The following RPS6KC1 variants were observed in gnomAD, a reference collection of about 807,000 sequenced individuals.
The protein encoded by RPS6KC1 is ribosomal protein S6 kinase C1, also known as inactive ribosomal protein S6 kinase delta-1.
Under a neutral mutation model 103.8 loss-of-function variants are expected in RPS6KC1, and 54 were observed. That is an observed-to-expected ratio of 0.52 (90% CI 0.42 to 0.65). RPS6KC1 has a LOEUF of 0.65. Among genes scored for constraint, RPS6KC1 ranks in the 30% least tolerant of loss-of-function variants. The pLI, the probability that RPS6KC1 is intolerant of heterozygous loss-of-function variation, is 0.00. For missense variants in RPS6KC1, 1,151 were observed against 1,253.8 expected (o/e 0.92, Z 1.24); for synonymous variants, 439 against 438.7 (o/e 1.00, Z -0.01).
intron 8 of RPS6KC1, among the ~76,000 whole-genome samples, chr1:213,224,701 T>G (rs1447491391): frequency 6.6e-6 from 1 of 152,186 alleles, no homozygotes; most frequent in African/African-American, 2.4e-5. Flanking sequence ...TAAATTGATG[T>G]GTTTTAGTCT....
the RPS6KC1 span, among the ~76,000 whole-genome samples, chr1:213,422,116 C>T: frequency 6.6e-6 from 1 of 152,146 alleles, no homozygotes; most frequent in African/African-American, 2.4e-5. Flanking sequence ...CTGTCCAGCT[C>T]CAGAATTTTT....
chr1:213,705,709 G>T, the RPS6KC1 span, among the ~76,000 whole-genome samples: 1 of 152,250 alleles, frequency 6.6e-6, no homozygotes, highest in Non-Finnish European at 1.5e-5. Flanking sequence ...ATGTGCTGAA[G>T]CCAGCAAGGG....
At chr1:213,452,975 G>A in the RPS6KC1 span, among the ~76,000 whole-genome samples, 1,168 of 152,250 alleles carry the variant, frequency 7.7e-3, 27 homozygotes, top group Admixed American at 0.042. Context: ...TTACTAGTGA[G>A]GATAGCACCC....
chr1:213,435,888 C>A, the RPS6KC1 span, among the ~76,000 whole-genome samples: 2 of 152,090 alleles, frequency 1.3e-5, no homozygotes, highest in Non-Finnish European at 2.9e-5. Context: ...CCCTAGCAGC[C>A]TTGATTTCCT....
At chr1:213,694,620 G>A in the RPS6KC1 span, among the ~76,000 whole-genome samples, 1 of 152,228 alleles carries the variant, frequency 6.6e-6, no homozygotes, top group South Asian at 2.1e-4. Flanking sequence ...CCTAACTGTA[G>A]GGTCTGTTTC....
Position 213,104,574 on chromosome 1 carries a change from G to T in RPS6KC1, c.378+5G>T. On this transcript the variant is annotated splice_donor_5th_base_variant and intron_variant, in intron 4 of 14. Coordinates refer to ENST00000366960, the MANE Select transcript of RPS6KC1 (RefSeq NM_012424.6). ...CAGCTTGAAGACTTTTTCAAGGTTTGGTAGTCTTTCTGGAATATTTTATAT... is the reference window on the plus strand; with the variant it reads ...CAGCTTGAAGACTTTTTCAAGGTTTTGTAGTCTTTCTGGAATATTTTATAT... The T allele has an allele frequency of 6.8e-7, 1 of 1,481,234 alleles. No individual in the cohort carries two copies. Among genetic ancestry groups the T allele is most frequent in the South Asian group, 1.2e-5 (1 of 82,490 alleles). 91.8% of individuals were successfully genotyped at this position (1,481,234 alleles called of 1,614,324 possible). A position where few individuals can be genotyped will look rare whatever the true frequency, so the allele number is the denominator to read the frequency against.
At chr1:213,819,442 C>G in the RPS6KC1 span, 1 of 152,172 alleles carries the variant, frequency 6.6e-6, no homozygotes, top group Non-Finnish European at 1.5e-5. Flanking sequence ...AGTCTGACTC[C>G]CTGCATCTAA....
chr1:213,440,696 A>G, the RPS6KC1 span, among the ~76,000 whole-genome samples: 2 of 151,516 alleles, frequency 1.3e-5, no homozygotes. Context: ...AAAAGGTGAG[A>G]TTTGAGTTGG....
At chr1:213,083,737 T>C (rs986023859) in intron 3 of RPS6KC1, among the ~76,000 whole-genome samples, 1 of 152,164 alleles carries the variant, frequency 6.6e-6, no homozygotes, top group African/African-American at 2.4e-5. Flanking sequence ...GCTTCCAAGA[T>C]GGCCCCCAGT....
At chr1:213,721,087 C>T in the RPS6KC1 span, among the ~76,000 whole-genome samples, 1 of 152,158 alleles carries the variant, frequency 6.6e-6, no homozygotes, top group Admixed American at 6.5e-5. Context: ...TGGAAATCCA[C>T]AGATTAAAAA....
intron 3 of RPS6KC1, among the ~76,000 whole-genome samples, chr1:213,080,833 G>A (rs1234070715): frequency 6.6e-6 from 1 of 152,190 alleles, no homozygotes; most frequent in African/African-American, 2.4e-5. Flanking sequence ...CCTAAGTGCT[G>A]GGATTATAAG....
At chr1:213,390,828 G>C in the RPS6KC1 span, among the ~76,000 whole-genome samples, 2 of 152,138 alleles carry the variant, frequency 1.3e-5, no homozygotes, top group Non-Finnish European at 2.9e-5. Context: ...AAGCTGGATT[G>C]ACCTTGATCT....
chr1:213,553,001 T>C, the RPS6KC1 span, among the ~76,000 whole-genome samples: 863 of 150,538 alleles, frequency 5.7e-3, 5 homozygotes, highest in African/African-American at 0.021. Context: ...TTTTTTTTTT[T>C]CTTTTCTTTC....
chr1:213,181,760 G>A (rs1405675219), intron 8 of RPS6KC1, among the ~76,000 whole-genome samples: 3 of 152,114 alleles, frequency 2.0e-5, no homozygotes, highest in African/African-American at 7.2e-5. Flanking sequence ...AGAGTTAAGG[G>A]AAAATAAAGG....
intron 14 of RPS6KC1, among the ~76,000 whole-genome samples, chr1:213,270,889 C>T (rs1029433662): frequency 6.6e-6 from 1 of 152,232 alleles, no homozygotes; most frequent in Middle Eastern, 3.4e-3. Flanking sequence ...TAACAAGATA[C>T]TACTAACATC....
chr1:213,845,597 T>C, the RPS6KC1 span, among the ~76,000 whole-genome samples: 1 of 152,196 alleles, frequency 6.6e-6, no homozygotes, highest in Non-Finnish European at 1.5e-5. Context: ...ATGTAACATT[T>C]TGGGGGCACC....
At chr1:213,395,651 T>TA in the RPS6KC1 span, among the ~76,000 whole-genome samples, 1 of 152,210 alleles carries the variant, frequency 6.6e-6, no homozygotes, top group Admixed American at 6.5e-5. Context: ...GTAGTGTAAA[T>TA]ACTCTCTCAC....
At chr1:213,180,685 A>T (rs1157527290) in intron 8 of RPS6KC1, among the ~76,000 whole-genome samples, 1 of 152,182 alleles carries the variant, frequency 6.6e-6, no homozygotes, top group Non-Finnish European at 1.5e-5. Context: ...CTCTGATGGG[A>T]TGAGGAGGAT....
At chr1:213,249,675 A>G (rs563225616) in intron 12 of RPS6KC1, among the ~76,000 whole-genome samples, 7 of 152,306 alleles carry the variant, frequency 4.6e-5, no homozygotes, top group Non-Finnish European at 7.4e-5. Flanking sequence ...GATATGATCA[A>G]TGGAAAATGG....
Sources: allele counts gnomAD v4.1 joint callset (sites outside exome capture counted in the v4.1 genomes callset), GRCh38; gene constraint gnomAD v4.1.1; transcripts MANE v1.5; gene names NCBI Gene and HGNC (gene_info 2026-07-23, HGNC 2026-07-21).